The following GFRA2 variants were observed in gnomAD, a reference collection of about 807,000 sequenced individuals.
The protein encoded by GFRA2 is GDNF family receptor alpha-2.
Under a neutral mutation model 48.3 loss-of-function variants are expected in GFRA2, and 17 were observed. The ratio of observed to expected loss-of-function variants is 0.35; its 90% CI spans 0.24 to 0.53. The LOEUF (loss-of-function observed/expected upper bound fraction) is 0.53. Ranked by LOEUF, GFRA2 falls within the 20% of genes least tolerant of loss-of-function variation. The pLI is 0.93. For missense variants in GFRA2, 660 were observed against 637.3 expected, an observed-to-expected ratio of 1.04 and a Z score of -0.38; for synonymous variants, 305 against 257.2, an observed-to-expected ratio of 1.19 and a Z score of -1.78.
intron 4 of GFRA2, among the ~76,000 whole-genome samples, chr8:21,743,673 C>T (rs1049774022): frequency 3.3e-5 from 5 of 152,166 alleles, no homozygotes; most frequent in African/African-American, 4.8e-5. Flanking sequence ...CCACTCCTCC[C>T]GCTATAGATA....
chr8:21,796,915 T>C (rs1807687330), intron 2 of GFRA2, among the ~76,000 whole-genome samples: 1 of 152,204 alleles, frequency 6.6e-6, no homozygotes, highest in Non-Finnish European at 1.5e-5. Flanking sequence ...TTCGGTGCTT[T>C]TTTCTGCAAG....
intron 4 of GFRA2, among the ~76,000 whole-genome samples, chr8:21,730,481 G>C (rs1447373864): frequency 3.3e-5 from 5 of 152,158 alleles, no homozygotes; most frequent in African/African-American, 1.2e-4. Flanking sequence ...GGTTACCTAA[G>C]GTCACTCCTC....
intron 1 of GFRA2, chr8:21,783,255 G>A (rs1807103421): frequency 2.4e-6 from 1 of 422,940 alleles, no homozygotes; most frequent in South Asian, 2.0e-5. Flanking sequence ...GGGGCTGCAT[G>A]GCTTGCTGGG....
chr8:21,750,554 C>T lies in GFRA2; in HGVS notation c.794+34G>A, dbSNP rs542252138. The T allele has an allele frequency of 7.6e-7, 1 of 1,311,760 alleles. No individual in the cohort carries two copies. Among genetic ancestry groups the T allele is most frequent in the South Asian group, 1.3e-5 (1 of 78,776 alleles). 81.3% of individuals were successfully genotyped at this position (1,311,760 alleles called of 1,614,324 possible). On this transcript the variant is annotated intron_variant, in intron 4 of 8. Transcript: ENST00000524240. This position sits in a 1 kb window ranked among gnomAD's most constrained non-coding sequence, Gnocchi z 5.7. ...ACAGCCTGGCAATGCAAGCGCCCTC[C>T]TGCCAGCACCACCGGGGCTGCCGCG...
At chr8:21,699,732 G>A (rs1346799316) in intron 7 of GFRA2, among the ~76,000 whole-genome samples, 6 of 152,356 alleles carry the variant, frequency 3.9e-5, no homozygotes, top group Middle Eastern at 3.4e-3. Context: ...GCACCTAGGA[G>A]AAGGAAGAGA....
chr8:21,693,100 T>A lies in GFRA2; in HGVS notation c.*178A>T. The A allele has an allele frequency of 2.0e-6, 1 of 503,724 alleles. No individual in the cohort carries two copies. The highest frequency in any genetic ancestry group is 3.3e-6 in the Non-Finnish European group (1 of 305,590). The allele number at this position is 503,724 out of a possible 1,614,324, so 31.2% of individuals were successfully genotyped here. On this transcript the variant is annotated 3_prime_UTR_variant, in exon 9 of 9. Coordinates refer to ENST00000524240, the MANE Select transcript of GFRA2 (RefSeq NM_001495.5). ...TCAGGCTGCCTGCCTGCTTGTCTGTTTGGTTTACAAAAACTTCTCCAGAGA... is the reference window on the plus strand; with the variant it reads ...TCAGGCTGCCTGCCTGCTTGTCTGTATGGTTTACAAAAACTTCTCCAGAGA...
At chr8:21,749,511 T>TG (rs1355629850) in intron 4 of GFRA2, among the ~76,000 whole-genome samples, 4 of 149,684 alleles carry the variant, frequency 2.7e-5, no homozygotes, top group Non-Finnish European at 6.0e-5. Flanking sequence ...TTCCTCACCC[T>TG]GACCCATTCC....
chr8:21,709,497 C>G (rs190524607), intron 4 of GFRA2, among the ~76,000 whole-genome samples: 8 of 152,330 alleles, frequency 5.3e-5, no homozygotes, highest in African/African-American at 1.9e-4. Flanking sequence ...AAATACACAT[C>G]GAGCCCTGCC....
At chr8:21,806,075 C>A (rs920888621) in intron 1 of GFRA2, among the ~76,000 whole-genome samples, 1 of 152,194 alleles carries the variant, frequency 6.6e-6, no homozygotes, top group African/African-American at 2.4e-5. Context: ...GTCGAGGCAG[C>A]CCAGCTCTTC....
At chr8:21,795,925 C>T (rs1339219796) in intron 2 of GFRA2, among the ~76,000 whole-genome samples, 6 of 152,200 alleles carry the variant, frequency 3.9e-5, no homozygotes, top group African/African-American at 1.4e-4. Flanking sequence ...CATCTGGCAT[C>T]GTCTTTGTGT....
intron 3 of GFRA2, among the ~76,000 whole-genome samples, chr8:21,774,515 C>T (rs1806596782): frequency 6.6e-6 from 1 of 152,218 alleles, no homozygotes; most frequent in Non-Finnish European, 1.5e-5. Flanking sequence ...ATGCGGCGTG[C>T]TGAGCACTTT....
chr8:21,706,258 A>G (rs1201251215), intron 4 of GFRA2: 2 of 652,440 alleles, frequency 3.1e-6, no homozygotes, highest in Non-Finnish European at 5.6e-6. Context: ...ACAGGCACAT[A>G]GTGCGGCTTA....
In GFRA2 at chr8:21,694,606, C is replaced by T. The variant is rs371270081; in HGVS notation, c.1219-89G>A. 1.7e-5 allele frequency: 21 copies of T among 1,219,258 alleles called. No homozygotes were observed. In the East Asian group the frequency reaches 2.0e-4, roughly 12 times the overall value. 75.5% of individuals were successfully genotyped at this position (1,219,258 alleles called of 1,614,324 possible). The stretch of plus-strand genomic sequence containing the variant: ...GAGACTTAGATGAGGCCCCGCCATG[C>T]ACTGTTGGCTCCGCTAAGCACAGCC... On this transcript the variant is annotated intron_variant, in intron 7 of 8. Transcript: ENST00000524240.
At chr8:21,734,771 C>T (rs1563236036) in intron 4 of GFRA2, among the ~76,000 whole-genome samples, 1 of 152,204 alleles carries the variant, frequency 6.6e-6, no homozygotes, top group Non-Finnish European at 1.5e-5. Flanking sequence ...CAGCTTCTTT[C>T]GTCTATCAGA....
chr8:21,798,102 G>T (rs955744797), intron 2 of GFRA2, among the ~76,000 whole-genome samples: 3 of 152,180 alleles, frequency 2.0e-5, no homozygotes, highest in Admixed American at 6.5e-5. Context: ...AAGGCAGTCT[G>T]CACTCCCCCA....
intron 4 of GFRA2, among the ~76,000 whole-genome samples, chr8:21,733,189 T>C (rs921220812): frequency 6.6e-6 from 1 of 152,050 alleles, no homozygotes. Flanking sequence ...CCCCCTGAAA[T>C]GTTCCGCATC....
chr8:21,705,977 C>T lies in GFRA2; in HGVS notation c.859G>A (p.Ala287Thr). ...CCCAGACACGCCTGGTAATTGTCCG[C>T]AGGGCAGCTGGTGACCGTCTGGTAG... ...ASYQTVTSCP[A>T]DNYQACLGSY... The change falls in exon 5 of 9, where the codon GCG becomes ACG. Residue 287 changes from alanine (A) to threonine (T), a missense_variant. Coordinates refer to ENST00000524240, the MANE Select transcript of GFRA2 (RefSeq NM_001495.5). 3 of 1,579,364 alleles carry T rather than the reference C, an allele frequency of 1.9e-6. No individual in the cohort carries two copies. The highest frequency in any genetic ancestry group is 2.6e-6 in the Non-Finnish European group (3 of 1,162,210).
At chr8:21,729,688 G>A (rs747579143) in intron 4 of GFRA2, among the ~76,000 whole-genome samples, 3 of 152,064 alleles carry the variant, frequency 2.0e-5, no homozygotes, top group Admixed American at 6.6e-5. Flanking sequence ...ACACTTGTTC[G>A]CTCACACAGC....
At chr8:21,747,082 G>T (rs1357718995) in intron 4 of GFRA2, among the ~76,000 whole-genome samples, 2 of 152,102 alleles carry the variant, frequency 1.3e-5, no homozygotes, top group African/African-American at 4.8e-5. Context: ...AGCGCACCCA[G>T]CCCACTCCTA....
Sources: gnomAD v4.1 joint callset for allele counts (sites outside exome capture counted in the v4.1 genomes callset) on GRCh38, gnomAD v4.1.1 for gene constraint, Gnocchi (gnomAD v3.1) non-coding constraint, MANE v1.5 for transcripts, NCBI Gene and HGNC (gene_info 2026-07-23, HGNC 2026-07-21) for gene names.